RABGAP1L: variants seen among roughly 807,000 people sequenced by gnomAD.
RABGAP1L encodes RAB GTPase activating protein 1 like, also known as rab GTPase-activating protein 1-like.
In RABGAP1L, 63 loss-of-function variants were observed where a neutral mutation model predicts 137.7. The observed-to-expected ratio is 0.46, with a 90% CI of 0.37 to 0.56. The LOEUF (loss-of-function observed/expected upper bound fraction) is 0.56. Among genes scored for constraint, RABGAP1L ranks in the 20% least tolerant of loss-of-function variants. RABGAP1L has a pLI of 0.00. For synonymous variants in RABGAP1L, 431 were observed against 433.7 expected (o/e 0.99, Z 0.08); for missense variants, 1,095 against 1,244.0 (o/e 0.88, Z 1.80).
chr1:174,764,829 C>T (rs768110573), intron 18 of RABGAP1L, among the ~76,000 whole-genome samples: 4 of 152,182 alleles, frequency 2.6e-5, no homozygotes, highest in Non-Finnish European at 5.9e-5. Flanking sequence ...TGTCATTATT[C>T]AGACAAGCCA....
intron 11 of RABGAP1L, among the ~76,000 whole-genome samples, chr1:174,348,334 C>T (rs372723593): frequency 1.4e-5 from 2 of 141,870 alleles, no homozygotes; most frequent in East Asian, 2.5e-4. Flanking sequence ...ACTGTGATTA[C>T]TTTTGCACCA....
Position 174,448,344 on chromosome 1 carries a change from A to G in RABGAP1L, c.1710+54199A>G, listed in dbSNP as rs753253907. The G allele has an allele frequency of 3.0e-5, 49 of 1,613,652 alleles. No homozygotes were observed. Among genetic ancestry groups the G allele is most frequent in the Admixed American group, 2.2e-4 (13 of 59,988 alleles). On this transcript the variant is annotated intron_variant, in intron 13 of 25. Transcript: ENST00000681986. This position sits in a 1 kb window ranked among gnomAD's most constrained non-coding sequence, Gnocchi z 4.2. ...CTGTTACATCATTATACTACCAGCT[A>G]TTTCATTCAGACGATGGCATATGCT...
intron 13 of RABGAP1L, among the ~76,000 whole-genome samples, chr1:174,412,823 A>G (rs1296363479): frequency 1.3e-5 from 2 of 152,134 alleles, no homozygotes; most frequent in Non-Finnish European, 2.9e-5. Context: ...TTTCTGATGA[A>G]AAGTCCACTG....
chr1:174,404,256 A>C (rs1395486868), intron 13 of RABGAP1L, among the ~76,000 whole-genome samples: 2 of 152,174 alleles, frequency 1.3e-5, no homozygotes, highest in African/African-American at 4.8e-5. Context: ...AGAGGAGAGA[A>C]TATCTGAGGT....
At chr1:174,750,499 G>C (rs1399282208) in intron 17 of RABGAP1L, among the ~76,000 whole-genome samples, 4 of 152,146 alleles carry the variant, frequency 2.6e-5, no homozygotes, top group Non-Finnish European at 4.4e-5. Flanking sequence ...CATTGTATAG[G>C]TTGTTATAAC....
At chr1:174,322,302 ATTTAT>A (rs1332647369) in intron 11 of RABGAP1L, among the ~76,000 whole-genome samples, 3 of 152,130 alleles carry the variant, frequency 2.0e-5, no homozygotes, top group Non-Finnish European at 4.4e-5. Context: ...AACAGAAAAC[ATTTAT>A]TTTATGGTTT....
At chr1:174,556,304 C>T (rs544092657) in intron 13 of RABGAP1L, among the ~76,000 whole-genome samples, 5 of 152,104 alleles carry the variant, frequency 3.3e-5, no homozygotes, top group African/African-American at 1.2e-4. Flanking sequence ...CCTCTTTTGA[C>T]TTTGAAAAAT....
intron 1 of RABGAP1L, among the ~76,000 whole-genome samples, chr1:174,182,195 T>C (rs1666427325): frequency 6.6e-6 from 1 of 152,168 alleles, no homozygotes; most frequent in South Asian, 2.1e-4. Context: ...GGTTTAGCTG[T>C]GTAGTTTCAG....
intron 18 of RABGAP1L, among the ~76,000 whole-genome samples, chr1:174,803,337 G>A (rs941033028): frequency 1.3e-5 from 2 of 152,200 alleles, no homozygotes; most frequent in Non-Finnish European, 2.9e-5. Flanking sequence ...GTGCAAGCAT[G>A]TCATTTTAGA....
chr1:174,578,698 G>A (rs1668540123), intron 13 of RABGAP1L, among the ~76,000 whole-genome samples: 1 of 151,966 alleles, frequency 6.6e-6, no homozygotes, highest in African/African-American at 2.4e-5. Context: ...TTTATGTAGT[G>A]GAATGGAAAT....
At chr1:174,533,963 C>T (rs976110637) in intron 13 of RABGAP1L, among the ~76,000 whole-genome samples, 7 of 152,074 alleles carry the variant, frequency 4.6e-5, no homozygotes, top group South Asian at 2.1e-4. Context: ...TGAGCTACCG[C>T]GCCCAGCCCA....
At chr1:174,798,701 A>G (rs1005928356) in intron 18 of RABGAP1L, among the ~76,000 whole-genome samples, 2 of 152,170 alleles carry the variant, frequency 1.3e-5, no homozygotes, top group African/African-American at 4.8e-5. Context: ...CTTATTTGTC[A>G]GAGTAGAAAA....
chr1:174,718,042 T>C (rs1681168283), intron 17 of RABGAP1L, among the ~76,000 whole-genome samples: 1 of 152,214 alleles, frequency 6.6e-6, no homozygotes, highest in African/African-American at 2.4e-5. Flanking sequence ...TGAGTCTTCT[T>C]AGCCACCTTT....
chr1:174,866,328 C>A (rs1245819368), intron 19 of RABGAP1L, among the ~76,000 whole-genome samples: 1 of 152,074 alleles, frequency 6.6e-6, no homozygotes, highest in Non-Finnish European at 1.5e-5. Context: ...TTAGAATGTT[C>A]TGGGCATTGC....
chr1:174,597,800 G>T (rs1185706295), intron 13 of RABGAP1L, among the ~76,000 whole-genome samples: 1 of 151,960 alleles, frequency 6.6e-6, no homozygotes, highest in African/African-American at 2.4e-5. Flanking sequence ...TATAAACTTT[G>T]CTCTCAGTAT....
chr1:174,875,554 T>A, intron 19 of RABGAP1L: 1 of 985,430 alleles, frequency 1.0e-6, no homozygotes, highest in Non-Finnish European at 1.2e-6. Context: ...GTGGAAGCTC[T>A]GAGTCACTGA....
chr1:174,582,643 G>A (rs1462879532), intron 13 of RABGAP1L, among the ~76,000 whole-genome samples: 1 of 152,150 alleles, frequency 6.6e-6, no homozygotes, highest in African/African-American at 2.4e-5. Context: ...TACAATATGA[G>A]TACTGAAAAA....
At chr1:174,616,018 C>G (rs1437541635) in intron 13 of RABGAP1L, among the ~76,000 whole-genome samples, 3 of 152,044 alleles carry the variant, frequency 2.0e-5, no homozygotes, top group Admixed American at 2.0e-4. Flanking sequence ...ACTCCCTGAC[C>G]CCTTGCACTT....
intron 14 of RABGAP1L, among the ~76,000 whole-genome samples, chr1:174,641,341 T>G (rs1238518603): frequency 6.6e-6 from 1 of 152,124 alleles, no homozygotes; most frequent in Non-Finnish European, 1.5e-5. Context: ...TCTTAATATC[T>G]TTCTTCAGAG....
Sources: gnomAD v4.1 joint callset for allele counts (sites outside exome capture counted in the v4.1 genomes callset) on GRCh38, gnomAD v4.1.1 for gene constraint, Gnocchi (gnomAD v3.1) non-coding constraint, MANE v1.5 for transcripts, NCBI Gene and HGNC (gene_info 2026-07-23, HGNC 2026-07-21) for gene names.